LAMA4: variants seen among roughly 807,000 people sequenced by gnomAD.
LAMA4 encodes the protein laminin subunit alpha 4.
Under a neutral mutation model 207.1 loss-of-function variants are expected in LAMA4, and 127 were observed. The ratio of observed to expected loss-of-function variants is 0.61; its 90% CI spans 0.53 to 0.71. LAMA4 has a LOEUF of 0.71. Among genes scored for constraint, LAMA4 ranks in the 30% least tolerant of loss-of-function variants. LAMA4 has a pLI of 0.00. For missense variants in LAMA4, 2,093 were observed against 2,246.5 expected (o/e 0.93, Z 1.38); for synonymous variants, 761 against 816.0 (o/e 0.93, Z 1.15).
At chr6:112,130,918 A>G in intron 29 of LAMA4, 50 bp downstream of exon 29, 1 of 1,594,592 alleles carries the variant, frequency 6.3e-7, no homozygotes, top group South Asian at 1.1e-5. Context: ...TGACATAATC[A>G]TGTCCCACAA....
intron 4 of LAMA4, among the ~76,000 whole-genome samples, chr6:112,203,694 C>G (rs782202730): frequency 4.6e-5 from 7 of 152,184 alleles, no homozygotes; most frequent in Non-Finnish European, 8.8e-5. Flanking sequence ...GTTGTCACTA[C>G]AGAGAAAAAT....
Position 112,216,418 on chromosome 6 carries a change from C to G in LAMA4, c.247G>C (p.Asp83His), listed in dbSNP as rs531319918. 1 of 1,614,072 alleles carries G rather than the reference C, an allele frequency of 6.2e-7. No homozygotes were observed. Among genetic ancestry groups the G allele is most frequent in the South Asian group, 1.1e-5 (1 of 91,074 alleles). ...HTLSGECVPCDCNGNSNECLD... is the reference protein window; with the variant it reads ...HTLSGECVPCHCNGNSNECLD... ...CACTCGTTGGAATTGCCATTACAGT[C>G]GCAGGGCACACATTCTCCCGACAGG... Residue 83 changes from aspartate (D) to histidine (H), a missense_variant, in exon 3 of 39, where the codon GAC (aspartate) becomes CAC (histidine). This residue lies in a region of LAMA4 where 1,704 missense variants were observed against 1,788.4 expected (regional missense o/e 0.95). Transcript: ENST00000230538.
intron 31 of LAMA4, among the ~76,000 whole-genome samples, chr6:112,127,737 G>A (rs782346374): frequency 1.3e-5 from 2 of 152,156 alleles, no homozygotes; most frequent in Non-Finnish European, 2.9e-5. Context: ...GAGACCTGCT[G>A]GGAGGTGATG....
At chr6:112,219,440 C>A (rs1784807285) in intron 2 of LAMA4, 1 of 152,122 alleles carries the variant, frequency 6.6e-6, no homozygotes, top group Admixed American at 6.6e-5. Context: ...TTTTTTGATA[C>A]CACACTGAAT....
intron 12 of LAMA4, among the ~76,000 whole-genome samples, chr6:112,167,204 C>G (rs1385867862): frequency 6.6e-6 from 1 of 152,178 alleles, no homozygotes; most frequent in Non-Finnish European, 1.5e-5. Flanking sequence ...TCTTTTCTAG[C>G]CCATGCTGTA....
intron 10 of LAMA4, 66 bp downstream of exon 10, chr6:112,178,055 C>A: frequency 9.1e-7 from 1 of 1,099,816 alleles, no homozygotes; most frequent in Non-Finnish European, 1.4e-6. Flanking sequence ...AGCCATTATG[C>A]CTACTGATGT....
chr6:112,195,235 A>AT (rs1412581459), intron 5 of LAMA4, among the ~76,000 whole-genome samples: 1 of 152,058 alleles, frequency 6.6e-6, no homozygotes. Flanking sequence ...ATAAAATGAC[A>AT]TAAAAAAAAA....
rs1562726650 is a variant in LAMA4 at position 112,201,639 on chromosome 6, T to C, written c.472A>G (p.Asn158Asp). The change falls in exon 5 of 39, where the codon AAC becomes GAC. Residue 158 changes from asparagine to aspartate, a missense_variant. This residue lies in a region of LAMA4 where 1,704 missense variants were observed against 1,788.4 expected (regional missense o/e 0.95). Coordinates refer to ENST00000230538, the MANE Select transcript of LAMA4 (RefSeq NM_001105206.3). ...CAGTTAGGTCCAGCATAATTTTCGT[T>C]ACAAATGCACCGAACAGCTCCATTT... The part of the protein sequence containing the change: ...RKNGAVRCIC[N>D]ENYAGPNCER... 2.5e-6 allele frequency: 4 copies of C among 1,613,884 alleles called. No homozygotes were observed. In the South Asian group the frequency reaches 4.4e-5, roughly 18 times the overall value.
At chr6:112,139,581 C>A (rs1427401969) in intron 23 of LAMA4, among the ~76,000 whole-genome samples, 171 bp downstream of exon 23, 1 of 152,194 alleles carries the variant, frequency 6.6e-6, no homozygotes. Context: ...CTTGGGCATG[C>A]TCATCTATGA....
intron 2 of LAMA4, among the ~76,000 whole-genome samples, chr6:112,234,921 T>C (rs1043046364): frequency 8.5e-5 from 13 of 152,166 alleles, no homozygotes; most frequent in Non-Finnish European, 1.6e-4. Flanking sequence ...TCCAAATATC[T>C]TCGGATATCC....
At chr6:112,193,233 T>A (rs1783221034) in intron 5 of LAMA4, among the ~76,000 whole-genome samples, 1 of 151,770 alleles carries the variant, frequency 6.6e-6, no homozygotes, top group Non-Finnish European at 1.5e-5. Flanking sequence ...ATGGAAGTGG[T>A]AGTGAAGGAA....
At chr6:112,139,335 T>C (rs1779544992) in intron 23 of LAMA4, 44 bp from the exon 24 acceptor site, 2 of 1,607,058 alleles carry the variant, frequency 1.2e-6, no homozygotes, top group African/African-American at 1.3e-5. Context: ...ACAGTTTCTG[T>C]TATGCTTTTC....
At chr6:112,132,569 G>A (rs1779099390) in intron 28 of LAMA4, among the ~76,000 whole-genome samples, 184 bp downstream of exon 28, 1 of 152,130 alleles carries the variant, frequency 6.6e-6, no homozygotes, top group Admixed American at 6.6e-5. Flanking sequence ...TCCAGGTTAG[G>A]AACTTCTGAT....
At chr6:112,175,576 G>T in intron 10 of LAMA4, 96 bp from the exon 11 acceptor site, 1 of 1,215,846 alleles carries the variant, frequency 8.2e-7, no homozygotes, top group Non-Finnish European at 1.2e-6. Context: ...GGGCAGGGCT[G>T]ATCCTGAAAT....
At chr6:112,247,965 A>G (rs1787117994) in intron 2 of LAMA4, among the ~76,000 whole-genome samples, 1 of 152,158 alleles carries the variant, frequency 6.6e-6, no homozygotes, top group African/African-American at 2.4e-5. Flanking sequence ...ACATTATGCC[A>G]AATGAAATAA....
In LAMA4 at chr6:112,175,367, G is replaced by A. The variant is rs1781961657; in HGVS notation, c.1303C>T (p.Pro435Ser). ...ACGAGCTCCCGTTGGGTGAAAAATG[G>A]TTGACGGCTTCTAATCTCTTCAAGC... ...KMLEEIRSRQ[P>S]FFTQRELVDE... The change falls in exon 11 of 39, where the codon CCA becomes TCA. Residue 435 changes from proline (P) to serine (S), a missense_variant. By Grantham distance (74) the Pro-to-Ser change is moderately conservative (BLOSUM62 -1). This residue lies in a region of LAMA4 where 1,704 missense variants were observed against 1,788.4 expected (regional missense o/e 0.95). Transcript: ENST00000230538. The A allele has an allele frequency of 6.2e-7, 1 of 1,614,190 alleles. No homozygotes were observed.
rs1349304456 is a variant in LAMA4, at chr6:112,154,325, T to C, written c.2056+526A>G. Among the ~76,000 whole-genome samples the C allele has an allele frequency of 2.5e-5, 3 of 120,722 alleles. No homozygotes were observed. The Admixed American group carries it at 2.8e-4, about 11-fold the overall frequency. 79.2% of individuals were successfully genotyped at this position (120,722 alleles called of 152,430 possible). On this transcript the variant is annotated intron_variant, in intron 16 of 38. Coordinates refer to ENST00000230538, the MANE Select transcript of LAMA4 (RefSeq NM_001105206.3). ...TACCATATGCTTGTTAGGTCTGTCC[T>C]AAATACAGTAACCTATGTAGAACAC... is the stretch of plus-strand genomic sequence containing the variant.
chr6:112,162,947 G>A (rs1554338793), intron 13 of LAMA4, among the ~76,000 whole-genome samples: 1 of 148,906 alleles, frequency 6.7e-6, no homozygotes, highest in African/African-American at 2.5e-5. Flanking sequence ...ATGGCCCAGT[G>A]TCAAGTGCAG....
At chr6:112,129,249 T>C (rs1234077036) in intron 30 of LAMA4, among the ~76,000 whole-genome samples, 174 bp from the exon 31 acceptor site, 1 of 152,064 alleles carries the variant, frequency 6.6e-6, no homozygotes, top group African/African-American at 2.4e-5. Flanking sequence ...ACCAGAACCC[T>C]TTAAATTAAC....
Sources: gnomAD v4.1 joint callset for allele counts (sites outside exome capture counted in the v4.1 genomes callset) on GRCh38, gnomAD v4.1.1 for gene constraint, gnomAD v4.1.1 regional missense constraint, MANE v1.5 for transcripts, NCBI Gene and HGNC (gene_info 2026-07-23, HGNC 2026-07-21) for gene names.